PCDH15: variants seen among roughly 807,000 people sequenced by gnomAD.
PCDH15 encodes protocadherin related 15.
PCDH15 carries 129 observed loss-of-function variants against 178.5 expected under a neutral mutation model. The ratio of observed to expected loss-of-function variants is 0.72; its 90% confidence interval spans 0.63 to 0.84. The LOEUF is 0.84. Among genes scored for constraint, PCDH15 ranks in the 40% least tolerant of loss-of-function variants. PCDH15 has a pLI of 0.00. For synonymous variants in PCDH15, 800 were observed against 732.0 expected (o/e 1.09, Z -1.50); for missense variants, 2,230 against 2,099.9 (o/e 1.06, Z -1.21).
intron 2 of PCDH15, among the ~76,000 whole-genome samples, chr10:55,518,541 G>C (rs73269384): frequency 3.3e-5 from 5 of 151,912 alleles, no homozygotes; most frequent in African/African-American, 4.8e-5. Context: ...AGGGAGGTTG[G>C]GGGAGAGTCT....
chr10:55,025,160 T>A (rs1481030926), intron 2 of PCDH15, among the ~76,000 whole-genome samples: 2 of 152,104 alleles, frequency 1.3e-5, no homozygotes, highest in Non-Finnish European at 1.5e-5. Context: ...TATGCATGTG[T>A]GTGTGACTGT....
At chr10:54,181,638 C>G (rs539317570) in intron 13 of PCDH15, among the ~76,000 whole-genome samples, 17 of 152,104 alleles carry the variant, frequency 1.1e-4, no homozygotes, top group Non-Finnish European at 1.5e-5. Context: ...GATACAGATG[C>G]CACAGATACA....
intron 18 of PCDH15, among the ~76,000 whole-genome samples, chr10:54,063,585 C>A (rs2094075376): frequency 6.6e-6 from 1 of 152,144 alleles, no homozygotes; most frequent in Non-Finnish European, 1.5e-5. Flanking sequence ...CAGCCAGAAA[C>A]CTCTGCGGGT....
chr10:53,995,707 G>A lies in PCDH15; in HGVS notation c.2810C>T (p.Pro937Leu), dbSNP rs771024131. ...SKRIYKGMVA[P>L]DAVKGTPITT... ...GATAGGTGTACCCTTGACTGCATCC[G>A]GAGCCACCATCCCTTTGTATATTCG... Residue 937 changes from proline to leucine, a missense_variant, in exon 21 of 38, where the codon CCG (proline) becomes CTG (leucine). By Grantham distance (98) the Pro-to-Leu change is moderately conservative (BLOSUM62 -3). Coordinates refer to ENST00000644397, the MANE Select transcript of PCDH15 (RefSeq NM_001384140.1). 4.6e-5 allele frequency: 74 copies of A among 1,613,662 alleles called. No individual in the cohort carries two copies. Among genetic ancestry groups the A allele is most frequent in the Non-Finnish European group, 6.0e-5 (71 of 1,179,798 alleles).
chr10:54,109,666 T>C (rs577013388), intron 15 of PCDH15, among the ~76,000 whole-genome samples: 1 of 151,808 alleles, frequency 6.6e-6, no homozygotes, highest in Non-Finnish European at 1.5e-5. Context: ...AGATAGAGAG[T>C]AGAGGGATGG....
In PCDH15 at chr10:55,477,099, T is replaced by C. The variant is rs114868602; in HGVS notation, c.-156+150526A>G. Among the ~76,000 whole-genome samples the C allele has an allele frequency of 1.8e-3, 273 of 152,070 alleles. 1 individual carries two copies. The highest frequency in any genetic ancestry group is 5.8e-3 in the African/African-American group (241 of 41,548). On this transcript the variant is annotated intron_variant, in intron 2 of 5. Transcript: ENST00000613346. ...ACTAGTATATTACCCACTGTTGGAA[T>C]AGGAAATCAGACTTAGCTAGTACAG... is the stretch of plus-strand genomic sequence containing the variant.
chr10:54,369,096 G>A lies in PCDH15; in HGVS notation c.474+24C>T, dbSNP rs201970156. The A allele has an allele frequency of 5.6e-6, 9 of 1,610,232 alleles. No homozygotes were observed. The Admixed American group carries it at 1.3e-4, about 24-fold the overall frequency. On this transcript the variant is annotated intron_variant, in intron 5 of 37. Coordinates refer to ENST00000644397, the MANE Select transcript of PCDH15 (RefSeq NM_001384140.1). ...GATACATATATCAACAGAAAGGACA[G>A]AGAGAGAGTAAATAGAAACTGACCT...
chr10:54,229,955 A>G (rs966556394), intron 9 of PCDH15, among the ~76,000 whole-genome samples: 16 of 152,200 alleles, frequency 1.1e-4, no homozygotes, highest in Non-Finnish European at 1.8e-4. Flanking sequence ...CCTAACAAGT[A>G]AAATAATCTT....
chr10:54,195,849 C>A lies in PCDH15; in HGVS notation c.1139G>T (p.Gly380Val). The A allele has an allele frequency of 6.2e-7, 1 of 1,613,548 alleles. No individual in the cohort carries two copies. The highest frequency in any genetic ancestry group is 8.5e-7 in the Non-Finnish European group (1 of 1,179,800). ...DNGHPLPAFA[G>V]LHIEILDENN... ...TTCATCCAGTATTTCAATGTGTAGA[C>A]CGGCAAAGGCAGGAAGAGGATGACC... The change falls in exon 11 of 38, where the codon GGT becomes GTT. Residue 380 changes from glycine (G) to valine (V), a missense_variant. By Grantham distance (109) the Gly-to-Val change is moderately radical. Transcript: ENST00000644397.
At chr10:54,845,121 T>C (rs1440695442) in intron 3 of PCDH15, among the ~76,000 whole-genome samples, 1 of 151,404 alleles carries the variant, frequency 6.6e-6, no homozygotes, top group Non-Finnish European at 1.5e-5. Flanking sequence ...AAGCCTTTTT[T>C]TCTTTTTTCT....
At chr10:55,398,532 C>A (rs980668777) in intron 2 of PCDH15, among the ~76,000 whole-genome samples, 1 of 152,054 alleles carries the variant, frequency 6.6e-6, no homozygotes, top group Admixed American at 6.6e-5. Context: ...GTCCCACACC[C>A]CAACCTATTT....
intron 3 of PCDH15, among the ~76,000 whole-genome samples, chr10:54,383,614 C>T (rs1008500197): frequency 4.1e-5 from 3 of 73,020 alleles, no homozygotes; most frequent in Admixed American, 3.8e-4. Flanking sequence ...CATACCATGC[C>T]GTGTATGTGT....
chr10:55,028,015 G>T (rs1840518875), intron 2 of PCDH15, among the ~76,000 whole-genome samples: 2 of 151,768 alleles, frequency 1.3e-5, no homozygotes, highest in African/African-American at 4.8e-5. Flanking sequence ...ATCTGTGCCA[G>T]ATTTTACTTT....
intron 8 of PCDH15, among the ~76,000 whole-genome samples, chr10:54,267,972 A>C (rs1316270058): frequency 6.6e-6 from 1 of 151,834 alleles, no homozygotes; most frequent in South Asian, 2.1e-4. Flanking sequence ...AATAGCCAAC[A>C]CAATCTTAAG....
At chr10:54,433,890 CA>C (rs2075191144) in intron 3 of PCDH15, among the ~76,000 whole-genome samples, 1 of 152,014 alleles carries the variant, frequency 6.6e-6, no homozygotes, top group South Asian at 2.1e-4. Context: ...AGCCTCAGGC[CA>C]ATCTTTCAGG....
At chr10:55,295,745 G>A (rs1240174314) in intron 1 of PCDH15, among the ~76,000 whole-genome samples, 1 of 152,010 alleles carries the variant, frequency 6.6e-6, no homozygotes, top group Non-Finnish European at 1.5e-5. Flanking sequence ...CCAAATGTGT[G>A]GGATATTTTT....
At chr10:54,752,476 C>CAAAAAAAAAAAAAAAAA (rs755874514) in intron 1 of PCDH15, among the ~76,000 whole-genome samples, 3 of 89,712 alleles carry the variant, frequency 3.3e-5, no homozygotes, top group Non-Finnish European at 5.0e-5. Flanking sequence ...GACTCCGTCT[C>CAAAAAAAAAAAAAAAAA]AAAAAAAAAA....
chr10:54,603,733 A>G (rs1017407124), intron 2 of PCDH15, among the ~76,000 whole-genome samples: 3 of 152,104 alleles, frequency 2.0e-5, no homozygotes, highest in East Asian at 3.9e-4. Context: ...TGAAAAGCCA[A>G]CATGTTGGAT....
chr10:55,606,882 C>A (rs1339587040), intron 2 of PCDH15, among the ~76,000 whole-genome samples: 204 of 135,186 alleles, frequency 1.5e-3, no homozygotes, highest in East Asian at 7.1e-3. Context: ...GCAACAAAAG[C>A]CAAAATTGAC....
Sources: gnomAD v4.1 joint callset for allele counts (sites outside exome capture counted in the v4.1 genomes callset) on GRCh38, gnomAD v4.1.1 for gene constraint, MANE v1.5 for transcripts, NCBI Gene and HGNC (gene_info 2026-07-23, HGNC 2026-07-21) for gene names.